The following TTC7B variants were observed in gnomAD, a reference collection of about 807,000 sequenced individuals.
TTC7B encodes the protein tetratricopeptide repeat domain 7B, also known as tetratricopeptide repeat protein 7B.
In TTC7B, 28 loss-of-function variants were observed where a neutral mutation model predicts 106.8. That is an observed-to-expected ratio of 0.26 (90% CI 0.19 to 0.36). The LOEUF (loss-of-function observed/expected upper bound fraction) is 0.36. Ranked by LOEUF, TTC7B falls within the 10% of genes least tolerant of loss-of-function variation. The pLI is 1.00. For synonymous variants in TTC7B, 405 were observed against 430.6 expected (o/e 0.94, Z 0.74); for missense variants, 862 against 1,076.4 (o/e 0.80, Z 2.79).
intron 15 of TTC7B, among the ~76,000 whole-genome samples, chr14:90,643,749 C>T (rs1405507050): frequency 6.6e-6 from 1 of 151,956 alleles, no homozygotes; most frequent in African/African-American, 2.4e-5. Flanking sequence ...CACCCAGCTA[C>T]ATTTTATATT....
intron 19 of TTC7B, among the ~76,000 whole-genome samples, chr14:90,548,997 G>A (rs369401443): frequency 6.6e-6 from 1 of 152,154 alleles, no homozygotes; most frequent in South Asian, 2.1e-4. Context: ...GCGTGGTGGC[G>A]GGCGCCTGTA....
intron 5 of TTC7B, among the ~76,000 whole-genome samples, chr14:90,713,158 C>T (rs761277521): frequency 2.0e-5 from 3 of 152,106 alleles, no homozygotes; most frequent in South Asian, 2.1e-4. Flanking sequence ...TTCTGTCACC[C>T]GGGCTGGAGT....
At chr14:90,780,680 G>T in intron 3 of TTC7B, 58 bp downstream of exon 3, 1 of 1,563,440 alleles carries the variant, frequency 6.4e-7, no homozygotes, top group South Asian at 1.2e-5. Context: ...AGGCAGCTCC[G>T]AAGAGGCGCT....
chr14:90,621,797 A>T (rs764235256), intron 15 of TTC7B, among the ~76,000 whole-genome samples: 1 of 152,244 alleles, frequency 6.6e-6, no homozygotes, highest in Non-Finnish European at 1.5e-5. Context: ...GAAAACAAGC[A>T]GTGATGCTCG....
intron 3 of TTC7B, among the ~76,000 whole-genome samples, chr14:90,777,301 G>A (rs1891064315): frequency 6.6e-6 from 1 of 152,086 alleles, no homozygotes; most frequent in Non-Finnish European, 1.5e-5. Context: ...ATCACACCTG[G>A]CACGCAGGAA....
At chr14:90,703,211 C>T (rs575226226) in intron 5 of TTC7B, among the ~76,000 whole-genome samples, 22 of 152,212 alleles carry the variant, frequency 1.4e-4, no homozygotes, top group Middle Eastern at 6.8e-3. Context: ...CACAGGCCAA[C>T]AATATTCGTT....
chr14:90,524,964 T>C lies in TTC7B; in HGVS notation c.*16404A>G, dbSNP rs1693025277. 6.6e-6 allele frequency: 1 copy of C among 152,140 alleles called. No individual in the cohort carries two copies. The highest frequency in any genetic ancestry group is 2.1e-4 in the South Asian group (1 of 4,822). 9.4% of individuals were successfully genotyped at this position (152,140 alleles called of 1,614,324 possible). A position where few individuals can be genotyped will look rare whatever the true frequency, so the allele number is the denominator to read the frequency against. ...ATTGGCACGTAGTAAAGCGCAAGCATTTAAAGTATACAGTTCAATATGTCT... is the reference window on the plus strand; with the variant it reads ...ATTGGCACGTAGTAAAGCGCAAGCACTTAAAGTATACAGTTCAATATGTCT... On this transcript the variant is annotated 3_prime_UTR_variant, in exon 20 of 20. Transcript: ENST00000328459.
In TTC7B at chr14:90,577,253, A is replaced by C. The variant is rs1274984246; in HGVS notation, c.2310+853T>G. Among the ~76,000 whole-genome samples the C allele has an allele frequency of 6.6e-6, 1 of 152,232 alleles. No homozygotes were observed. The highest frequency in any genetic ancestry group is 2.4e-5 in the African/African-American group (1 of 41,468). ...CCCAGGGAACGTGGCACGGCTTTTC[A>C]CAAGCTCCTCAGACCCTGGTAACTT... is the stretch of plus-strand genomic sequence containing the variant. On this transcript the variant is annotated intron_variant, in intron 19 of 19. Coordinates refer to ENST00000328459, the MANE Select transcript of TTC7B (RefSeq NM_001010854.2). The surrounding 1 kb of genome is among the most constrained non-coding windows in gnomAD (Gnocchi z 5.0).
chr14:90,588,099 G>A (rs1242212319), intron 18 of TTC7B, among the ~76,000 whole-genome samples: 2 of 152,170 alleles, frequency 1.3e-5, no homozygotes, highest in African/African-American at 4.8e-5. Flanking sequence ...CCTGTACAGT[G>A]ACTGCACACA....
chr14:90,633,966 C>G (rs1295387899), intron 15 of TTC7B, among the ~76,000 whole-genome samples: 3 of 151,940 alleles, frequency 2.0e-5, no homozygotes. Flanking sequence ...CCTCCGCCTC[C>G]CAGGTTCAAG....
intron 6 of TTC7B, among the ~76,000 whole-genome samples, chr14:90,691,985 C>A (rs1360441856): frequency 6.6e-6 from 1 of 152,184 alleles, no homozygotes; most frequent in Non-Finnish European, 1.5e-5. Flanking sequence ...TTGTGACCAG[C>A]TTCCGTTACT....
intron 6 of TTC7B, among the ~76,000 whole-genome samples, chr14:90,695,164 C>A (rs1396467522): frequency 8.2e-6 from 1 of 121,340 alleles, no homozygotes; most frequent in Non-Finnish European, 1.6e-5. Context: ...AATAAATATA[C>A]ATATAAAATA....
At chr14:90,671,265 G>A (rs1327045562) in intron 9 of TTC7B, among the ~76,000 whole-genome samples, 6 of 152,324 alleles carry the variant, frequency 3.9e-5, no homozygotes, top group East Asian at 1.9e-4. Flanking sequence ...AGGTGTAAAT[G>A]TCCTTTTGGT....
intron 8 of TTC7B, 82 bp downstream of exon 8, chr14:90,680,390 C>A: frequency 1.9e-6 from 2 of 1,043,214 alleles, no homozygotes; most frequent in South Asian, 2.7e-5. Flanking sequence ...GAAAAAGAGT[C>A]ATGATACTGG....
intron 10 of TTC7B, 97 bp downstream of exon 10, chr14:90,658,198 CGAAAGACTT>C: frequency 1.0e-6 from 1 of 980,228 alleles, no homozygotes; most frequent in East Asian, 2.5e-5. Flanking sequence ...CAGAGTGGCT[CGAAAGACTT>C]CCACAAAGTC....
At chr14:90,697,352 T>C (rs1887795460) in intron 5 of TTC7B, 1 of 147,034 alleles carries the variant, frequency 6.8e-6, no homozygotes, top group African/African-American at 2.7e-5. Context: ...TGGTCCGTTA[T>C]GACACAGAAG....
intron 1 of TTC7B, among the ~76,000 whole-genome samples, chr14:90,799,903 C>T (rs1750616905): frequency 6.6e-6 from 1 of 152,126 alleles, no homozygotes; most frequent in Non-Finnish European, 1.5e-5. Context: ...GATCTCGGCT[C>T]ACTGCAACCT....
intron 18 of TTC7B, among the ~76,000 whole-genome samples, chr14:90,592,437 G>A (rs376557487): frequency 2.6e-5 from 4 of 152,204 alleles, no homozygotes; most frequent in East Asian, 1.9e-4. Flanking sequence ...GGCCAGGCGC[G>A]GTGGCTCACG....
intron 15 of TTC7B, among the ~76,000 whole-genome samples, chr14:90,621,520 G>C (rs1455927524): frequency 1.3e-5 from 2 of 152,056 alleles, no homozygotes; most frequent in African/African-American, 4.8e-5. Flanking sequence ...GTACGGCTGG[G>C]ATGATGGGCA....
Sources: allele counts gnomAD v4.1 joint callset (sites outside exome capture counted in the v4.1 genomes callset), GRCh38; gene constraint gnomAD v4.1.1; non-coding constraint Gnocchi (gnomAD v3.1); transcripts MANE v1.5; gene names NCBI Gene and HGNC (gene_info 2026-07-23, HGNC 2026-07-21).